AVL9: variants seen among roughly 807,000 people sequenced by gnomAD.
AVL9 encodes the protein late secretory pathway protein AVL9 homolog.
A neutral mutation model predicts 79.2 loss-of-function variants in AVL9; 49 were observed. The ratio of observed to expected loss-of-function variants is 0.62; its 90% CI spans 0.49 to 0.79. The LOEUF (loss-of-function observed/expected upper bound fraction) is 0.79, where lower values mean the gene tolerates loss of function less well. Among genes scored for constraint, AVL9 ranks in the 30% least tolerant of loss-of-function variants. AVL9 has a pLI of 0.00. For synonymous variants in AVL9, 299 were observed against 280.6 expected (o/e 1.07, Z -0.65); for missense variants, 682 against 776.8 (o/e 0.88, Z 1.45).
At chr7:32,545,786 T>C (rs1203215098) in intron 3 of AVL9, among the ~76,000 whole-genome samples, 1 of 152,152 alleles carries the variant, frequency 6.6e-6, no homozygotes, top group African/African-American at 2.4e-5. Flanking sequence ...GTTTTTTTTG[T>C]GGTGGGGATA....
Position 32,544,762 on chromosome 7 carries a change from C to T in AVL9, c.283C>T (p.Arg95Ter), listed in dbSNP as rs372188373. 3 of 1,613,282 alleles carry T rather than the reference C, an allele frequency of 1.9e-6. No individual in the cohort carries two copies. The highest frequency in any genetic ancestry group is 2.5e-6 in the Non-Finnish European group (3 of 1,179,640). ...GATVFGISCY[R>*]QIEAKALKVR... ...CACAGTATTTGGTATCTCTTGCTAT[C>T]GACAAATTGAAGCCAAGGTACGATA... Residue 95 changes from arginine to a stop codon, truncating the protein, a stop_gained, in exon 3 of 16, where the codon CGA becomes TGA. Coordinates refer to ENST00000318709, the MANE Select transcript of AVL9 (RefSeq NM_015060.3). LOFTEE classifies it high-confidence loss of function.
intron 1 of AVL9, among the ~76,000 whole-genome samples, chr7:32,540,999 C>T (rs12670005): frequency 0.34 from 50,283 of 147,736 alleles, 8,981 homozygotes; most frequent in East Asian, 0.49. Context: ...CCCGGGTTCA[C>T]GCCATTCTCC....
At chr7:32,578,445 A>G (rs1038903921) in intron 13 of AVL9, among the ~76,000 whole-genome samples, 3 of 152,330 alleles carry the variant, frequency 2.0e-5, no homozygotes, top group South Asian at 2.1e-4. Flanking sequence ...ACATCAAAGA[A>G]GTATATTTTG....
Position 32,581,089 on chromosome 7 carries a change from G to A in AVL9, c.1831+199G>A, listed in dbSNP as rs898411893. The A allele has an allele frequency of 9.4e-6, 5 of 530,580 alleles. No homozygotes were observed. The South Asian group carries it at 1.0e-4, about 11-fold the overall frequency. The allele number at this position is 530,580 out of a possible 1,614,324, so 32.9% of individuals were successfully genotyped here. ...TGGTCAAACTCCATTATCTAATAGA[G>A]AGTGACAAAATTTTCTGATGAAGTC... On this transcript the variant is annotated intron_variant, in intron 15 of 15. Coordinates refer to ENST00000318709, the MANE Select transcript of AVL9 (RefSeq NM_015060.3).
chr7:32,539,817 T>G (rs750059530), intron 1 of AVL9, among the ~76,000 whole-genome samples: 3 of 152,214 alleles, frequency 2.0e-5, no homozygotes, highest in Non-Finnish European at 4.4e-5. Context: ...TCTTGCTGTT[T>G]CCACCTCCTA....
At chr7:32,501,766 AC>A (rs1787138052) in intron 1 of AVL9, among the ~76,000 whole-genome samples, 1 of 152,164 alleles carries the variant, frequency 6.6e-6, no homozygotes, top group South Asian at 2.1e-4. Flanking sequence ...ATACTTATAC[AC>A]CATGAGTAAT....
At chr7:32,532,605 T>C (rs1329387306) in intron 1 of AVL9, 2 of 152,228 alleles carry the variant, frequency 1.3e-5, no homozygotes, top group African/African-American at 2.4e-5. Flanking sequence ...TTCATGCTCA[T>C]AATCCAAGTA....
chr7:32,568,554 G>A (rs1024046286), intron 10 of AVL9, among the ~76,000 whole-genome samples: 3 of 152,156 alleles, frequency 2.0e-5, no homozygotes, highest in Non-Finnish European at 4.4e-5. Flanking sequence ...CAGGTTCATT[G>A]TATGGATGAA....
chr7:32,537,444 T>A (rs1214807956), intron 1 of AVL9: 1 of 149,338 alleles, frequency 6.7e-6, no homozygotes, highest in Non-Finnish European at 1.5e-5. Flanking sequence ...ATAATATATA[T>A]CCATTAGAAA....
intron 1 of AVL9, among the ~76,000 whole-genome samples, chr7:32,498,511 A>G (rs1786966657): frequency 6.6e-6 from 1 of 152,088 alleles, no homozygotes; most frequent in Non-Finnish European, 1.5e-5. Context: ...TGGCCTCCCA[A>G]AGTACTGGGA....
rs764701706 is a variant in AVL9, at chr7:32,570,198, A to G, written c.1350+44A>G. 4 of 1,609,004 alleles carry G rather than the reference A, an allele frequency of 2.5e-6. No individual in the cohort carries two copies. In the African/African-American group the frequency reaches 4.0e-5, roughly 16 times the overall value. On this transcript the variant is annotated intron_variant, in intron 11 of 15. Coordinates refer to ENST00000318709, the MANE Select transcript of AVL9 (RefSeq NM_015060.3). Reference sequence around the variant, plus strand: ...GTGTGTATTTGGCCCTGCTCATCCCAGTTTTCCTTTCTTAACTACAATTAT... The same window carrying G: ...GTGTGTATTTGGCCCTGCTCATCCCGGTTTTCCTTTCTTAACTACAATTAT...
intron 10 of AVL9, among the ~76,000 whole-genome samples, chr7:32,562,246 G>A (rs7776985): frequency 3.3e-5 from 5 of 150,166 alleles, no homozygotes; most frequent in African/African-American, 1.2e-4. Flanking sequence ...AATAAAAAGA[G>A]GTGCCTATGT....
chr7:32,574,433 C>T (rs904265585), intron 12 of AVL9, among the ~76,000 whole-genome samples: 10 of 152,146 alleles, frequency 6.6e-5, no homozygotes, highest in Admixed American at 6.5e-4. Context: ...ATCCTTTAAC[C>T]CCAAATCATT....
chr7:32,540,533 A>G (rs1450611290), intron 1 of AVL9, among the ~76,000 whole-genome samples: 1 of 152,202 alleles, frequency 6.6e-6, no homozygotes, highest in South Asian at 2.1e-4. Context: ...GGGAAGTTCA[A>G]GAAGATGTAA....
At chr7:32,505,415 C>T (rs1056440999) in intron 1 of AVL9, among the ~76,000 whole-genome samples, 8 of 151,084 alleles carry the variant, frequency 5.3e-5, no homozygotes, top group Admixed American at 6.6e-5. Flanking sequence ...CCCAGCTACT[C>T]GGGAGGCTGA....
chr7:32,577,587 A>G (rs1386196988), intron 13 of AVL9, among the ~76,000 whole-genome samples: 1 of 152,104 alleles, frequency 6.6e-6, no homozygotes, highest in Non-Finnish European at 1.5e-5. Flanking sequence ...CAAGCAGTCA[A>G]CATGCAGAGC....
At chr7:32,582,138 A>C (rs1282347286) in intron 15 of AVL9, among the ~76,000 whole-genome samples, 1 of 152,196 alleles carries the variant, frequency 6.6e-6, no homozygotes, top group Non-Finnish European at 1.5e-5. Context: ...ATGTAGTTTC[A>C]AACCTGAACA....
chr7:32,547,470 T>C (rs1207731639), intron 3 of AVL9, among the ~76,000 whole-genome samples: 1 of 152,242 alleles, frequency 6.6e-6, no homozygotes, highest in African/African-American at 2.4e-5. Context: ...TTAATACCTT[T>C]TATTACCCGT....
intron 11 of AVL9, among the ~76,000 whole-genome samples, chr7:32,572,378 C>T (rs13231585): frequency 7.0e-6 from 1 of 142,866 alleles, no homozygotes; most frequent in East Asian, 2.0e-4. Flanking sequence ...GCTGCTTCAT[C>T]ATTATTGGTT....
Sources: allele counts gnomAD v4.1 joint callset (sites outside exome capture counted in the v4.1 genomes callset), GRCh38; gene constraint gnomAD v4.1.1; transcripts MANE v1.5; gene names NCBI Gene and HGNC (gene_info 2026-07-23, HGNC 2026-07-21).